Variants in CADPS2 observed in about 807,000 individuals in gnomAD.
The protein encoded by CADPS2 is calcium-dependent secretion activator 2.
In CADPS2, 93 loss-of-function variants were observed where a neutral mutation model predicts 172.5. The ratio of observed to expected loss-of-function variants is 0.54; its 90% CI spans 0.46 to 0.64. The LOEUF (loss-of-function observed/expected upper bound fraction) is 0.64, where lower values mean the gene tolerates loss of function less well. Among genes scored for constraint, CADPS2 ranks in the 30% least tolerant of loss-of-function variants. The pLI is 0.00. For synonymous variants in CADPS2, 546 were observed against 555.2 expected, an observed-to-expected ratio of 0.98 and a Z score of 0.23; for missense variants, 1,420 against 1,565.9, an observed-to-expected ratio of 0.91 and a Z score of 1.57.
At chr7:122,820,432 C>A (rs1802814964) in intron 1 of CADPS2, among the ~76,000 whole-genome samples, 1 of 151,842 alleles carries the variant, frequency 6.6e-6, no homozygotes, top group South Asian at 2.1e-4. Flanking sequence ...GCACCTTCTA[C>A]AAAACAACAA....
At chr7:122,566,279 G>C (rs1017299528) in intron 7 of CADPS2, among the ~76,000 whole-genome samples, 1 of 152,116 alleles carries the variant, frequency 6.6e-6, no homozygotes, top group Non-Finnish European at 1.5e-5. Context: ...CATTGGTGAG[G>C]ATGTGGGGGA....
intron 2 of CADPS2, chr7:122,703,030 A>G: frequency 2.8e-6 from 1 of 358,630 alleles, no homozygotes; most frequent in Non-Finnish European, 5.1e-6. Flanking sequence ...AGGTAGTTAA[A>G]CCAATCCAAG....
intron 18 of CADPS2, among the ~76,000 whole-genome samples, chr7:122,415,823 C>T (rs1585799397): frequency 6.6e-6 from 1 of 152,170 alleles, no homozygotes; most frequent in South Asian, 2.1e-4. Context: ...ATTATACACA[C>T]ACACAATTGC....
intron 8 of CADPS2, among the ~76,000 whole-genome samples, chr7:122,552,775 G>GTTTTTTTTTTTTT (rs61517518): frequency 2.9e-5 from 4 of 137,096 alleles, no homozygotes; most frequent in African/African-American, 2.7e-5. Flanking sequence ...ATAGGTTCCT[G>GTTTTTTTTTTTTT]TTTTTTTTTT....
At chr7:122,422,053 T>C (rs1398126647) in intron 17 of CADPS2, 1 of 152,104 alleles carries the variant, frequency 6.6e-6, no homozygotes, top group Non-Finnish European at 1.5e-5. Context: ...GTTCAGGAGA[T>C]GGCTGAGGTG....
chr7:122,738,933 C>G (rs942710883), intron 1 of CADPS2, among the ~76,000 whole-genome samples: 1 of 151,608 alleles, frequency 6.6e-6, no homozygotes, highest in Non-Finnish European at 1.5e-5. Flanking sequence ...TTATCTCCTT[C>G]ATTTTAGAGG....
intron 2 of CADPS2, among the ~76,000 whole-genome samples, chr7:122,665,976 T>G (rs553590741): frequency 1.3e-5 from 2 of 152,338 alleles, no homozygotes; most frequent in East Asian, 1.9e-4. Flanking sequence ...CAATATGTTT[T>G]GTCTAAGAAT....
intron 4 of CADPS2, among the ~76,000 whole-genome samples, chr7:122,625,918 T>C (rs1456910225): frequency 6.6e-6 from 1 of 152,208 alleles, no homozygotes; most frequent in Non-Finnish European, 1.5e-5. Context: ...TAATCTCCTA[T>C]TGGCTCTGTC....
At chr7:122,595,306 GA>G (rs1381229617) in intron 6 of CADPS2, among the ~76,000 whole-genome samples, 4 of 152,014 alleles carry the variant, frequency 2.6e-5, no homozygotes, top group African/African-American at 9.7e-5. Context: ...TGAAAAGTAA[GA>G]GTGCCCATCA....
rs537539023 is a variant in CADPS2, at chr7:122,698,257, C to T, written c.454-34688G>A. ...ATCTGTTGTTAATCGCTGCCATCTC[C>T]GGTTCTGAATCCTTGCTAAACAAAG... is the stretch of plus-strand genomic sequence containing the variant. On this transcript the variant is annotated intron_variant, in intron 2 of 29. Transcript: ENST00000449022. 20 of 1,613,896 alleles carry T rather than the reference C, an allele frequency of 1.2e-5. No homozygotes were observed. The highest frequency in any genetic ancestry group is 1.6e-4 in the Middle Eastern group (1 of 6,062).
In CADPS2 at chr7:122,443,359, G is replaced by A. The variant is rs560351130; in HGVS notation, c.2289-1784C>T. Reference sequence around the variant, plus strand: ...TAAAAGAAGAGAAGCATTTTGTTCTGCCTTTCAGGCTAAATATTTTGGGTT... The same window carrying A: ...TAAAAGAAGAGAAGCATTTTGTTCTACCTTTCAGGCTAAATATTTTGGGTT... On this transcript the variant is annotated intron_variant, in intron 15 of 29. Coordinates refer to ENST00000449022, the MANE Select transcript of CADPS2 (RefSeq NM_017954.11). Among the ~76,000 whole-genome samples the A allele has an allele frequency of 7.2e-5, 11 of 152,262 alleles. No individual in the cohort carries two copies. The South Asian group carries it at 2.1e-3, about 29-fold the overall frequency.
chr7:122,518,234 T>C (rs2130950189), intron 8 of CADPS2, among the ~76,000 whole-genome samples: 2 of 152,074 alleles, frequency 1.3e-5, no homozygotes, highest in East Asian at 3.9e-4. Flanking sequence ...CCTCAAATAG[T>C]TAGAAAATAT....
chr7:122,476,966 G>T (rs1003828002), intron 12 of CADPS2, among the ~76,000 whole-genome samples: 6 of 131,446 alleles, frequency 4.6e-5, no homozygotes, highest in African/African-American at 1.7e-4. Context: ...TGAATGAAAT[G>T]GGGTGGCGGG....
chr7:122,833,739 T>G (rs1327109686), intron 1 of CADPS2, among the ~76,000 whole-genome samples: 1 of 152,120 alleles, frequency 6.6e-6, no homozygotes, highest in African/African-American at 2.4e-5. Flanking sequence ...AGTGGTTAAG[T>G]AACAAAATAT....
At chr7:122,441,121 T>C (rs2051293724) in intron 16 of CADPS2, among the ~76,000 whole-genome samples, 1 of 152,110 alleles carries the variant, frequency 6.6e-6, no homozygotes, top group South Asian at 2.1e-4. Flanking sequence ...AATGATAAAC[T>C]TGTTGGCATG....
intron 6 of CADPS2, among the ~76,000 whole-genome samples, chr7:122,609,578 A>G (rs2074032461): frequency 6.6e-6 from 1 of 152,206 alleles, no homozygotes; most frequent in South Asian, 2.1e-4. Flanking sequence ...TTCACAAATT[A>G]CATTGCCTCA....
At chr7:122,761,764 G>A (rs2093388246) in intron 1 of CADPS2, among the ~76,000 whole-genome samples, 1 of 151,536 alleles carries the variant, frequency 6.6e-6, no homozygotes, top group Admixed American at 6.6e-5. Context: ...GGAGGCTGAG[G>A]TGGGCAGATC....
At position 122,885,635 on chromosome 7, in the gene CADPS2, G is replaced by A. The variant is rs892738667; in HGVS notation, c.339+364C>T. Among the ~76,000 whole-genome samples, 6 of 152,124 alleles carry A rather than the reference G, an allele frequency of 3.9e-5. No individual in the cohort carries two copies. The East Asian group carries it at 5.8e-4, about 15-fold the overall frequency. ...CTCTAGCAATATCACGCCAGGCTAG[G>A]TGGACAGGAATGCACCAGTGCTGTT... On this transcript the variant is annotated intron_variant, in intron 1 of 29. Coordinates refer to ENST00000449022, the MANE Select transcript of CADPS2 (RefSeq NM_017954.11).
At chr7:122,435,174 T>C (rs983201498) in intron 17 of CADPS2, among the ~76,000 whole-genome samples, 5 of 151,968 alleles carry the variant, frequency 3.3e-5, no homozygotes, top group African/African-American at 1.2e-4. Context: ...TGACAAAACA[T>C]CACACTACCA....
Sources: gnomAD v4.1 joint callset for allele counts (sites outside exome capture counted in the v4.1 genomes callset) on GRCh38, gnomAD v4.1.1 for gene constraint, MANE v1.5 for transcripts, NCBI Gene and HGNC (gene_info 2026-07-23, HGNC 2026-07-21) for gene names.